The following VIPR2 variants were observed in gnomAD, a reference collection of about 807,000 sequenced individuals.
VIPR2 encodes the protein vasoactive intestinal polypeptide receptor 2.
Under a neutral mutation model 58.0 loss-of-function variants are expected in VIPR2, and 48 were observed. The ratio of observed to expected loss-of-function variants is 0.83; its 90% CI spans 0.66 to 1.05. VIPR2 has a LOEUF of 1.05. Among genes scored for constraint, VIPR2 ranks in the 50% least tolerant of loss-of-function variants. VIPR2 has a pLI of 0.00. For synonymous variants in VIPR2, 243 were observed against 235.2 expected, an observed-to-expected ratio of 1.03 and a Z score of -0.30; for missense variants, 534 against 558.0, an observed-to-expected ratio of 0.96 and a Z score of 0.43.
At chr7:159,136,840 G>T (rs1797249498) in intron 2 of VIPR2, among the ~76,000 whole-genome samples, 1 of 152,202 alleles carries the variant, frequency 6.6e-6, no homozygotes, top group Non-Finnish European at 1.5e-5. Context: ...CTGTGGCCAT[G>T]TGGAGAAGCA....
chr7:159,111,839 T>A (rs1338492528), intron 2 of VIPR2, among the ~76,000 whole-genome samples: 1 of 152,110 alleles, frequency 6.6e-6, no homozygotes, highest in Middle Eastern at 3.4e-3. Flanking sequence ...CGAGACCCCA[T>A]CTCTACAGAA....
In VIPR2 at chr7:159,030,774, T is replaced by C; in HGVS notation, c.1159A>G (p.Lys387Glu). The change falls in exon 13 of 13, where the codon AAG becomes GAG. Residue 387 changes from lysine (K) to glutamate (E), a missense_variant. Around this residue, in one of 3 missense-constraint regions of VIPR2, gnomAD observed 306 missense variants for 285.8 expected, o/e 1.07. Coordinates refer to ENST00000262178, the MANE Select transcript of VIPR2 (RefSeq NM_003382.5). ...GGGCACCGGCTTCGCCATTTTCGCT[T>C]CAGCTCGCACTGCACCTGGGAGGTG... is the stretch of plus-strand genomic sequence containing the variant. ...FLNSEVQCEL[K>E]RKWRSRCPTP... 6.3e-7 allele frequency: 1 copy of C among 1,595,358 alleles called. No individual in the cohort carries two copies. Among genetic ancestry groups the C allele is most frequent in the Non-Finnish European group, 8.5e-7 (1 of 1,171,914 alleles).
intron 6 of VIPR2, among the ~76,000 whole-genome samples, chr7:159,038,894 A>G (rs536677797): frequency 2.6e-5 from 4 of 152,356 alleles, no homozygotes; most frequent in South Asian, 4.1e-4. Context: ...TACAATAGAA[A>G]TGACAAATGT....
chr7:159,135,008 T>TG lies in VIPR2; in HGVS notation c.151+7437_151+7438insC, dbSNP rs2129497839. Among the ~76,000 whole-genome samples, 3 of 119,880 alleles carry TG rather than the reference T, an allele frequency of 2.5e-5. No individual in the cohort carries two copies. The East Asian group carries it at 6.5e-4, about 26-fold the overall frequency. The allele number at this position is 119,880 out of a possible 152,430, so 78.6% of individuals were successfully genotyped here. On this transcript the variant is annotated intron_variant, in intron 2 of 12. Coordinates refer to ENST00000262178, the MANE Select transcript of VIPR2 (RefSeq NM_003382.5). The stretch of plus-strand genomic sequence containing the variant: ...GGTCTTCTCTTAATTACAAAAGTTT[T>TG]TTTTTTTTTTTTTTTTTTTTTTAAC...
Position 159,109,872 on chromosome 7 carries a change from C to G in VIPR2, c.199G>C (p.Val67Leu), listed in dbSNP as rs763407272. ...DNITCWRPANVGETVTVPCPK... is the reference protein window; with the variant it reads ...DNITCWRPANLGETVTVPCPK... The stretch of plus-strand genomic sequence containing the variant: ...CAGGGCACCGTGACGGTCTCTCCCA[C>G]ATTGGCAGGCCGCCAGCACGTGATG... Residue 67 changes from valine to leucine, a missense_variant, in exon 3 of 13, where the codon GTG becomes CTG. By Grantham distance (32) the Val-to-Leu change is conservative (BLOSUM62 1). Around this residue, in one of 3 missense-constraint regions of VIPR2, gnomAD observed 224 missense variants for 255.7 expected, o/e 0.88. Transcript: ENST00000262178. 1 of 1,614,044 alleles carries G rather than the reference C, an allele frequency of 6.2e-7. No homozygotes were observed. The highest frequency in any genetic ancestry group is 8.5e-7 in the Non-Finnish European group (1 of 1,180,060).
rs1172233837 is a variant in VIPR2 at position 159,031,198 on chromosome 7, G to A, written c.1144-409C>T. Among the ~76,000 whole-genome samples the A allele has an allele frequency of 6.6e-6, 1 of 152,218 alleles. No homozygotes were observed. Among genetic ancestry groups the A allele is most frequent in the Non-Finnish European group, 1.5e-5 (1 of 68,038 alleles). On this transcript the variant is annotated intron_variant, in intron 12 of 12. Coordinates refer to ENST00000262178, the MANE Select transcript of VIPR2 (RefSeq NM_003382.5). This position sits in a 1 kb window ranked among gnomAD's most constrained non-coding sequence, Gnocchi z 4.0. Reference sequence around the variant, plus strand: ...CTGGGAGGGGGTGGGGATGAGTGAGGGGTGCCCGGACGGCAGAGGAGGGAG... The same window carrying A: ...CTGGGAGGGGGTGGGGATGAGTGAGAGGTGCCCGGACGGCAGAGGAGGGAG...
At chr7:159,100,140 G>A (rs1409525806) in intron 4 of VIPR2, among the ~76,000 whole-genome samples, 2 of 152,172 alleles carry the variant, frequency 1.3e-5, no homozygotes, top group African/African-American at 4.8e-5. Context: ...ACCCACTCAG[G>A]GAGGGCGGTG....
rs140772760 is a variant in VIPR2 at position 159,079,783 on chromosome 7, C to T, written c.358-21205G>A. 4.3e-3 allele frequency among the ~76,000 whole-genome samples: 653 copies of T among 152,178 alleles called. 1 individual carries two copies. The highest frequency in any genetic ancestry group is 0.015 in the African/African-American group (629 of 41,522). On this transcript the variant is annotated intron_variant, in intron 4 of 12. Transcript: ENST00000262178. ...GACACAATAAAAAATGACAAAGGGG[C>T]TATCACCACCAATCCCACAGAAATA...
intron 5 of VIPR2, among the ~76,000 whole-genome samples, chr7:159,055,533 C>A (rs1189919390): frequency 2.0e-5 from 3 of 152,020 alleles, no homozygotes; most frequent in Non-Finnish European, 4.4e-5. Context: ...GTGGCCACTG[C>A]GCCAGGCTCA....
intron 10 of VIPR2, among the ~76,000 whole-genome samples, chr7:159,033,112 T>C (rs1334635397): frequency 4.6e-5 from 7 of 152,216 alleles, no homozygotes; most frequent in Non-Finnish European, 1.0e-4. Flanking sequence ...AAATATAGAC[T>C]GCATTGATCC....
intron 2 of VIPR2, among the ~76,000 whole-genome samples, chr7:159,125,007 G>A (rs1796602096): frequency 6.6e-6 from 1 of 152,198 alleles, no homozygotes; most frequent in African/African-American, 2.4e-5. Flanking sequence ...CTTTGCTGAA[G>A]TTGTTTATCA....
chr7:159,088,145 T>C (rs1857287597), intron 4 of VIPR2, among the ~76,000 whole-genome samples: 1 of 152,220 alleles, frequency 6.6e-6, no homozygotes, highest in South Asian at 2.1e-4. Context: ...TGGTTCTTCC[T>C]CTACCTACTA....
At chr7:159,112,250 T>C (rs190416761) in intron 2 of VIPR2, among the ~76,000 whole-genome samples, 31 of 152,322 alleles carry the variant, frequency 2.0e-4, no homozygotes, top group Admixed American at 1.2e-3. Context: ...TGTTCCTTTA[T>C]TGGACCGCAC....
At chr7:159,106,626 G>T (rs1313109195) in intron 3 of VIPR2, among the ~76,000 whole-genome samples, 1 of 120,222 alleles carries the variant, frequency 8.3e-6, no homozygotes, top group African/African-American at 3.2e-5. Context: ...CCGGGAAGGG[G>T]CAGAAAGGCC....
rs1002935257 is a variant in VIPR2, at chr7:159,031,006, A to C, written c.1144-217T>G. On this transcript the variant is annotated intron_variant, in intron 12 of 12. Transcript: ENST00000262178. This position sits in a 1 kb window ranked among gnomAD's most constrained non-coding sequence, Gnocchi z 4.0. ...AGGGCGGGGGACGCTGCCAGACTCT[A>C]AGACTGTGCGTGGGTGGTTCGGGGA... Among the ~76,000 whole-genome samples, 1 of 152,148 alleles carries C rather than the reference A, an allele frequency of 6.6e-6. No individual in the cohort carries two copies. The highest frequency in any genetic ancestry group is 6.5e-5 in the Admixed American group (1 of 15,278).
intron 5 of VIPR2, 35 bp downstream of exon 5, chr7:159,058,446 T>C (rs1434533076): frequency 6.3e-7 from 1 of 1,582,992 alleles, no homozygotes; most frequent in African/African-American, 1.3e-5. Context: ...GCTTGTCTTG[T>C]ATTCTTTGCA....
At position 159,122,508 on chromosome 7, in the gene VIPR2, A is replaced by T. The variant is rs73527874; in HGVS notation, c.152-12589T>A. ...CTGGATAAAAACAGGCCTGGCAACA[A>T]AGGAGAGTGAACGCTCTCACCTCAC... On this transcript the variant is annotated intron_variant, in intron 2 of 12. Transcript: ENST00000262178. Among the ~76,000 whole-genome samples, 593 of 152,256 alleles carry T rather than the reference A, an allele frequency of 3.9e-3. 1 individual carries two copies. The highest frequency in any genetic ancestry group is 0.013 in the African/African-American group (554 of 41,550).
intron 4 of VIPR2, among the ~76,000 whole-genome samples, chr7:159,064,276 G>T (rs1211784947): frequency 6.6e-6 from 1 of 152,074 alleles, no homozygotes; most frequent in Non-Finnish European, 1.5e-5. Flanking sequence ...GAGCCACTGG[G>T]GCCTGGCTGA....
intron 2 of VIPR2, among the ~76,000 whole-genome samples, chr7:159,111,547 G>A (rs1796002543): frequency 6.6e-6 from 1 of 151,964 alleles, no homozygotes; most frequent in Non-Finnish European, 1.5e-5. Context: ...GGGTGTGGTG[G>A]TACACACCTG....
Sources: allele counts gnomAD v4.1 joint callset (sites outside exome capture counted in the v4.1 genomes callset), GRCh38; gene constraint gnomAD v4.1.1; regional missense constraint gnomAD v4.1.1; non-coding constraint Gnocchi (gnomAD v3.1); transcripts MANE v1.5; gene names NCBI Gene and HGNC (gene_info 2026-07-23, HGNC 2026-07-21).